Variants in TENM2 observed in about 807,000 individuals in gnomAD.
TENM2 encodes teneurin transmembrane protein 2.
In TENM2, 52 loss-of-function variants were observed where a neutral mutation model predicts 245.2. The ratio of observed to expected loss-of-function variants is 0.21; its 90% CI spans 0.17 to 0.27. The LOEUF (loss-of-function observed/expected upper bound fraction) is 0.27. TENM2 is among the 10% of genes least tolerant of loss of function. The pLI is 1.00. For missense variants in TENM2, 3,046 were observed against 3,666.8 expected (o/e 0.83, Z 4.37); for synonymous variants, 1,363 against 1,438.9 (o/e 0.95, Z 1.19).
At position 167,807,664 on chromosome 5, in the gene TENM2, CAT is replaced by C. The variant is rs200494771; in HGVS notation, c.503-68321_503-68320del. Reference sequence around the variant, plus strand: ...AGAGACAGAACCTCTTAAAATATGACATGTGTGACTTAGGGAAGAGGCAGAAT... The same window carrying C: ...AGAGACAGAACCTCTTAAAATATGACGTGTGACTTAGGGAAGAGGCAGAAT... On this transcript the variant is annotated intron_variant, in intron 2 of 28. Coordinates refer to ENST00000518659, the Ensembl canonical transcript of TENM2. Among the ~76,000 whole-genome samples, 939 of 150,080 alleles carry C rather than the reference CAT, an allele frequency of 6.3e-3. 9 individuals carry two copies. Among genetic ancestry groups the C allele is most frequent in the African/African-American group, 0.022 (895 of 40,824 alleles).
At chr5:167,863,584 C>T (rs1190623219) in intron 2 of TENM2, among the ~76,000 whole-genome samples, 8 of 152,060 alleles carry the variant, frequency 5.3e-5, no homozygotes, top group Admixed American at 6.6e-5. Flanking sequence ...GTGGAGGTTG[C>T]AGTGAGCTGA....
chr5:167,215,877 T>C, the TENM2 span, among the ~76,000 whole-genome samples: 5 of 152,258 alleles, frequency 3.3e-5, no homozygotes, highest in African/African-American at 9.6e-5. Context: ...CCACAGTTGA[T>C]TGATCTTTTT....
At chr5:167,542,636 C>A (rs1772288234) in intron 2 of TENM2, among the ~76,000 whole-genome samples, 1 of 152,152 alleles carries the variant, frequency 6.6e-6, no homozygotes, top group Non-Finnish European at 1.5e-5. Context: ...ATTGTCATTA[C>A]TGGTTCCTTC....
chr5:167,703,586 G>A (rs1018909448), intron 2 of TENM2, among the ~76,000 whole-genome samples: 1 of 150,390 alleles, frequency 6.6e-6, no homozygotes, highest in African/African-American at 2.5e-5. Context: ...AAATGAATTG[G>A]GTGTGAGTCT....
At chr5:167,945,375 A>G (rs1344263618) in intron 3 of TENM2, among the ~76,000 whole-genome samples, 3 of 152,196 alleles carry the variant, frequency 2.0e-5, no homozygotes, top group African/African-American at 7.2e-5. Context: ...AGAGAGAATT[A>G]TGTTACTTAA....
chr5:167,035,214 T>G, the TENM2 span, among the ~76,000 whole-genome samples: 1 of 152,068 alleles, frequency 6.6e-6, no homozygotes, highest in South Asian at 2.1e-4. Context: ...CACACATTAA[T>G]TACACTCTAT....
intron 6 of TENM2, among the ~76,000 whole-genome samples, chr5:168,057,503 G>A (rs1789652207): frequency 2.0e-5 from 3 of 152,112 alleles, no homozygotes; most frequent in Non-Finnish European, 4.4e-5. Flanking sequence ...CCTAAAACTA[G>A]CTAGCTGCTT....
In TENM2 at chr5:167,600,088, T is replaced by TAG. The variant is rs1314946515; in HGVS notation, c.502+224615_502+224616insAG. On this transcript the variant is annotated intron_variant, in intron 2 of 28. Transcript: ENST00000518659. ...TTGAACCCAGGAGGCGGAGTTTGCT[T>TAG]CATTTATAGGATACGTGGAACTCAG... Among the ~76,000 whole-genome samples, 44 of 149,568 alleles carry TAG rather than the reference T, an allele frequency of 2.9e-4. 2 individuals carry two copies. Among genetic ancestry groups the TAG allele is most frequent in the East Asian group, 3.9e-4 (2 of 5,106 alleles).
At chr5:167,278,695 C>G in the TENM2 span, among the ~76,000 whole-genome samples, 1 of 152,094 alleles carries the variant, frequency 6.6e-6, no homozygotes, top group Non-Finnish European at 1.5e-5. Flanking sequence ...GAAGCCTTCC[C>G]TTCCTTTACA....
intron 2 of TENM2, among the ~76,000 whole-genome samples, chr5:167,676,063 C>G (rs904188782): frequency 6.6e-6 from 1 of 152,064 alleles, no homozygotes; most frequent in Non-Finnish European, 1.5e-5. Context: ...GCCATATTAT[C>G]TAAGCCCTGG....
chr5:167,783,256 C>A (rs1368696460), intron 2 of TENM2, among the ~76,000 whole-genome samples: 2 of 150,988 alleles, frequency 1.3e-5, no homozygotes, highest in African/African-American at 2.4e-5. Context: ...GCAGCACACA[C>A]CGGGTTCAGC....
intron 2 of TENM2, among the ~76,000 whole-genome samples, chr5:167,492,522 A>G (rs1316959356): frequency 6.6e-6 from 1 of 152,122 alleles, no homozygotes; most frequent in Non-Finnish European, 1.5e-5. Context: ...TGAGCAAACA[A>G]TTTCTTTTAT....
At chr5:167,445,369 A>AGAGAGAGAGAGAGAGAGAGAGGGAGT (rs35699708) in intron 2 of TENM2, among the ~76,000 whole-genome samples, 1 of 98,578 alleles carries the variant, frequency 1.0e-5, no homozygotes, top group Non-Finnish European at 1.9e-5. Context: ...AGAGAGAGAG[A>AGAGAGAGAGAGAGAGAGAGAGGGAGT]GTGTCAGGTG....
chr5:167,681,936 G>A (rs916616856), intron 2 of TENM2, among the ~76,000 whole-genome samples: 1 of 151,996 alleles, frequency 6.6e-6, no homozygotes, highest in Non-Finnish European at 1.5e-5. Context: ...TTAGGCATGT[G>A]TGTGTGTGTG....
intron 2 of TENM2, among the ~76,000 whole-genome samples, chr5:167,441,360 T>A (rs927208323): frequency 6.6e-6 from 1 of 152,256 alleles, no homozygotes; most frequent in Non-Finnish European, 1.5e-5. Context: ...TAGCCAAAGC[T>A]GATAATTTTG....
chr5:167,301,463 A>G (rs1755323812), intron 1 of TENM2, among the ~76,000 whole-genome samples: 1 of 152,194 alleles, frequency 6.6e-6, no homozygotes. Flanking sequence ...AGTGGAGGCA[A>G]GGAATTGCAA....
the TENM2 span, among the ~76,000 whole-genome samples, chr5:167,113,765 T>C: frequency 6.6e-6 from 1 of 152,188 alleles, no homozygotes; most frequent in East Asian, 1.9e-4. Flanking sequence ...TACATATGCA[T>C]AGAAAATTTA....
intron 2 of TENM2, among the ~76,000 whole-genome samples, chr5:167,583,864 G>A (rs973216553): frequency 6.6e-6 from 1 of 152,140 alleles, no homozygotes; most frequent in African/African-American, 2.4e-5. Flanking sequence ...TGGCTTTGCA[G>A]ATGCTCATCT....
chr5:167,111,767 G>C, the TENM2 span, among the ~76,000 whole-genome samples: 26 of 152,262 alleles, frequency 1.7e-4, no homozygotes, highest in Non-Finnish European at 2.6e-4. Flanking sequence ...AGTAGATTAG[G>C]TGGGATAACT....
Sources: allele counts gnomAD v4.1 joint callset (sites outside exome capture counted in the v4.1 genomes callset), GRCh38; gene constraint gnomAD v4.1.1; transcripts MANE v1.5; gene names NCBI Gene and HGNC (gene_info 2026-07-23, HGNC 2026-07-21).